The following PMFBP1 variants were observed in gnomAD, a reference collection of about 807,000 sequenced individuals.
PMFBP1 encodes polyamine-modulated factor 1-binding protein 1.
In PMFBP1, 131 loss-of-function variants were observed where a neutral mutation model predicts 137.8. The ratio of observed to expected loss-of-function variants is 0.95; its 90% CI spans 0.82 to 1.10. The LOEUF is 1.10. Ranked by LOEUF, PMFBP1 falls within the 50% of genes least tolerant of loss-of-function variation. The pLI is 0.00. For synonymous variants in PMFBP1, 490 were observed against 450.4 expected (o/e 1.09, Z -1.11); for missense variants, 1,199 against 1,175.4 (o/e 1.02, Z -0.29).
At chr16:72,140,689 T>C in intron 5 of PMFBP1, 107 bp from the exon 6 acceptor site, 6 of 1,024,256 alleles carry the variant, frequency 5.9e-6, no homozygotes, top group Non-Finnish European at 8.5e-6. Context: ...AGGTATATGT[T>C]CATATATGGA....
chr16:72,196,257 T>C, the PMFBP1 span, among the ~76,000 whole-genome samples: 1 of 152,124 alleles, frequency 6.6e-6, no homozygotes. Context: ...AAAGTCTTTA[T>C]CTAGGATTCC....
chr16:72,214,397 G>C, the PMFBP1 span, among the ~76,000 whole-genome samples: 1 of 152,040 alleles, frequency 6.6e-6, no homozygotes, highest in African/African-American at 2.4e-5. Context: ...GGATGGTCTC[G>C]ATCCTCTGAC....
chr16:72,196,066 A>C, the PMFBP1 span, among the ~76,000 whole-genome samples: 1 of 151,732 alleles, frequency 6.6e-6, no homozygotes, highest in African/African-American at 2.4e-5. Context: ...AGAGAGAAGG[A>C]GCTTTCAAAA....
chr16:72,224,403 A>G, the PMFBP1 span, among the ~76,000 whole-genome samples: 1 of 152,106 alleles, frequency 6.6e-6, no homozygotes, highest in Non-Finnish European at 1.5e-5. Context: ...CAAGACTTTG[A>G]TGTCTACAGA....
Position 72,130,642 on chromosome 16 carries a change from C to T in PMFBP1, c.1528G>A (p.Gly510Ser). The change falls in exon 11 of 21, where the codon GGT (glycine) becomes AGT (serine). Residue 510 changes from glycine to serine, a missense_variant. Gly to Ser is a moderately conservative substitution (Grantham distance 56). Coordinates refer to ENST00000237353, the MANE Select transcript of PMFBP1 (RefSeq NM_031293.3). The stretch of plus-strand genomic sequence containing the variant: ...GCCTTCTGCTTGTCCAGGAGGAGAC[C>T]CTTCTGCAGTTTCCTCTGGGTGTCC... ...LEDTQRKLQKGLLLDKQKADT... is the reference protein window; with the variant it reads ...LEDTQRKLQKSLLLDKQKADT... 6.2e-7 allele frequency: 1 copy of T among 1,613,900 alleles called. No individual in the cohort carries two copies. Among genetic ancestry groups the T allele is most frequent in the Non-Finnish European group, 8.5e-7 (1 of 1,179,982 alleles).
chr16:72,217,606 C>T, the PMFBP1 span, among the ~76,000 whole-genome samples: 1 of 152,192 alleles, frequency 6.6e-6, no homozygotes, highest in African/African-American at 2.4e-5. Flanking sequence ...AATCCCAACA[C>T]TTTGGGAAGC....
At chr16:72,159,339 T>C (rs950430378) in intron 3 of PMFBP1, among the ~76,000 whole-genome samples, 1 of 152,246 alleles carries the variant, frequency 6.6e-6, no homozygotes, top group African/African-American at 2.4e-5. Context: ...CTTAGCAGCC[T>C]GGCAGGGATA....
chr16:72,185,588 T>C, the PMFBP1 span, among the ~76,000 whole-genome samples: 1 of 152,188 alleles, frequency 6.6e-6, no homozygotes, highest in Admixed American at 6.5e-5. Context: ...CTTCCTGATC[T>C]GAACGTCCCC....
chr16:72,136,315 G>A (rs1469159246), intron 9 of PMFBP1, 133 bp downstream of exon 9: 2 of 989,808 alleles, frequency 2.0e-6, no homozygotes, highest in Non-Finnish European at 3.0e-6. Context: ...TGGGCCTGAA[G>A]AGCCACCATC....
the PMFBP1 span, among the ~76,000 whole-genome samples, chr16:72,245,702 T>G: frequency 9.8e-5 from 15 of 152,320 alleles, no homozygotes; most frequent in African/African-American, 3.6e-4. Context: ...TGTAGTGCAG[T>G]GCTCCCAGGA....
At chr16:72,196,022 TGTGTGTGTGA>T in the PMFBP1 span, among the ~76,000 whole-genome samples, 3 of 104,168 alleles carry the variant, frequency 2.9e-5, no homozygotes, top group African/African-American at 1.2e-4. Flanking sequence ...TGTGTGTGTG[TGTGTGTGTGA>T]AAGAGAGAGA....
chr16:72,224,299 C>T, the PMFBP1 span, among the ~76,000 whole-genome samples: 1 of 152,158 alleles, frequency 6.6e-6, no homozygotes, highest in African/African-American at 2.4e-5. Context: ...TTGCGAGAGC[C>T]TCTTCCTGAG....
the PMFBP1 span, among the ~76,000 whole-genome samples, chr16:72,236,660 C>A: frequency 3.3e-5 from 5 of 152,156 alleles, no homozygotes; most frequent in East Asian, 7.7e-4. Context: ...GGGGGAAAAA[C>A]AAAACAAAAC....
intron 5 of PMFBP1, among the ~76,000 whole-genome samples, chr16:72,142,742 G>A (rs944053159): frequency 1.3e-5 from 2 of 152,134 alleles, no homozygotes; most frequent in African/African-American, 2.4e-5. Context: ...AGGGACTGCC[G>A]AGCATAGTAA....
chr16:72,144,469 G>A (rs564974260), intron 5 of PMFBP1, among the ~76,000 whole-genome samples: 4 of 152,236 alleles, frequency 2.6e-5, no homozygotes, highest in South Asian at 2.1e-4. Context: ...AGAAGGTCCC[G>A]TGTACAGAAG....
At chr16:72,164,677 T>A in intron 3 of PMFBP1, 87 bp downstream of exon 3, 1 of 1,469,150 alleles carries the variant, frequency 6.8e-7, no homozygotes, top group Admixed American at 2.0e-5. Flanking sequence ...GAATGAACAG[T>A]GGAAGAACTT....
the PMFBP1 span, among the ~76,000 whole-genome samples, chr16:72,195,981 A>ATG: frequency 0.01 from 1,510 of 145,018 alleles, 10 homozygotes; most frequent in South Asian, 0.026. Flanking sequence ...AGCTTACAGA[A>ATG]TGTGTGTGTG....
At chr16:72,234,771 AT>A in the PMFBP1 span, among the ~76,000 whole-genome samples, 2 of 152,100 alleles carry the variant, frequency 1.3e-5, no homozygotes, top group Non-Finnish European at 2.9e-5. Context: ...TGTTGTTTTG[AT>A]TTTTATTTCC....
the PMFBP1 span, among the ~76,000 whole-genome samples, chr16:72,230,279 A>C: frequency 6.6e-6 from 1 of 152,328 alleles, no homozygotes; most frequent in African/African-American, 2.4e-5. Flanking sequence ...CCATTAGGAT[A>C]TAACCAGGTT....
Sources: allele counts gnomAD v4.1 joint callset (sites outside exome capture counted in the v4.1 genomes callset), GRCh38; gene constraint gnomAD v4.1.1; transcripts MANE v1.5; gene names NCBI Gene and HGNC (gene_info 2026-07-23, HGNC 2026-07-21).